TLK1: variants seen among roughly 807,000 people sequenced by gnomAD.
The protein encoded by TLK1 is tousled like kinase 1.
TLK1 carries 24 observed loss-of-function variants against 105.3 expected under a neutral mutation model. That is an observed-to-expected ratio of 0.23 (90% CI 0.17 to 0.32). The LOEUF (loss-of-function observed/expected upper bound fraction) is 0.32. Ranked by LOEUF, TLK1 falls within the 10% of genes least tolerant of loss-of-function variation. The pLI is 1.00. For synonymous variants in TLK1, 321 were observed against 310.4 expected (o/e 1.03, Z -0.36); for missense variants, 558 against 910.5 (o/e 0.61, Z 4.98).
intron 12 of TLK1, among the ~76,000 whole-genome samples, chr2:171,023,945 A>T (rs958344863): frequency 2.0e-5 from 3 of 152,202 alleles, no homozygotes; most frequent in Non-Finnish European, 4.4e-5. Flanking sequence ...CTGATCAACT[A>T]TAAGAGCAAA....
chr2:171,149,758 C>A (rs1691955163), intron 1 of TLK1, among the ~76,000 whole-genome samples: 2 of 151,894 alleles, frequency 1.3e-5, no homozygotes, highest in Admixed American at 1.3e-4. Context: ...GTTAAAAAAT[C>A]AGCAGGATAT....
chr2:171,023,256 G>A (rs1685611370), intron 12 of TLK1: 2 of 459,716 alleles, frequency 4.4e-6, no homozygotes, highest in African/African-American at 2.0e-5. Flanking sequence ...TGAGATGACT[G>A]TAAATTGTTT....
intron 1 of TLK1, among the ~76,000 whole-genome samples, chr2:171,227,836 T>A (rs1693930565): frequency 6.6e-6 from 1 of 152,102 alleles, no homozygotes; most frequent in Admixed American, 6.6e-5. Context: ...TGGAGTATAT[T>A]AGACACCTTG....
At position 170,991,947 on chromosome 2, in the gene TLK1, A is replaced by C. The variant is rs1355739286; in HGVS notation, c.*1833T>G. On this transcript the variant is annotated 3_prime_UTR_variant, in exon 21 of 21. Coordinates refer to ENST00000431350, the MANE Select transcript of TLK1 (RefSeq NM_012290.5). ...CTGTGCTCTACAGAGGAATGGGTAT[A>C]GCCAGCCCCTTAAACCACTCTTGAT... is the stretch of plus-strand genomic sequence containing the variant. 6.6e-6 allele frequency: 1 copy of C among 152,140 alleles called. No homozygotes were observed. The highest frequency in any genetic ancestry group is 1.5e-5 in the Non-Finnish European group (1 of 67,996). 9.4% of individuals were successfully genotyped at this position (152,140 alleles called of 1,614,324 possible).
intron 1 of TLK1, among the ~76,000 whole-genome samples, chr2:171,185,046 A>G (rs920899897): frequency 1.1e-4 from 17 of 152,112 alleles, no homozygotes; most frequent in South Asian, 2.1e-4. Context: ...TCACCATGTT[A>G]GCCAGGATGG....
At chr2:171,113,410 A>G (rs1690268039) in intron 2 of TLK1, among the ~76,000 whole-genome samples, 1 of 151,954 alleles carries the variant, frequency 6.6e-6, no homozygotes, top group African/African-American at 2.4e-5. Flanking sequence ...AGCTGGGATT[A>G]CAGGCACCCG....
chr2:171,030,856 A>G (rs900009334), intron 11 of TLK1, among the ~76,000 whole-genome samples: 7 of 152,096 alleles, frequency 4.6e-5, no homozygotes, highest in African/African-American at 1.7e-4. Flanking sequence ...GTTACTTGAA[A>G]TTTTTGTCCT....
chr2:171,015,950 T>C (rs1007875422), intron 12 of TLK1, among the ~76,000 whole-genome samples: 73 of 149,582 alleles, frequency 4.9e-4, no homozygotes, highest in African/African-American at 1.7e-3. Context: ...TGGTGGCGCA[T>C]GCCTGTAATC....
At chr2:171,092,497 T>C (rs1443582306) in intron 2 of TLK1, among the ~76,000 whole-genome samples, 4 of 152,236 alleles carry the variant, frequency 2.6e-5, no homozygotes, top group Admixed American at 2.0e-4. Flanking sequence ...TTTTAGCTTG[T>C]AGCTGCCATC....
chr2:171,191,143 C>G (rs1693139173), intron 1 of TLK1, among the ~76,000 whole-genome samples: 1 of 150,648 alleles, frequency 6.6e-6, no homozygotes, highest in Non-Finnish European at 1.5e-5. Context: ...CTGGGTGACA[C>G]ACTGAGACTC....
intron 11 of TLK1, among the ~76,000 whole-genome samples, chr2:171,033,976 T>C (rs1415023392): frequency 6.7e-6 from 1 of 150,044 alleles, no homozygotes; most frequent in African/African-American, 2.4e-5. Flanking sequence ...TAGACATTTC[T>C]CCAAACAAGA....
At chr2:171,059,955 C>T (rs1482385150) in intron 4 of TLK1, 11 of 1,600,822 alleles carry the variant, frequency 6.9e-6, no homozygotes, top group Non-Finnish European at 9.4e-6. Flanking sequence ...CCCAATAGGC[C>T]AAGGACTGGA....
intron 18 of TLK1, among the ~76,000 whole-genome samples, chr2:171,004,076 TC>T (rs764719346): frequency 9.2e-5 from 14 of 152,134 alleles, no homozygotes; most frequent in Non-Finnish European, 1.9e-4. Flanking sequence ...TGCCTCAGCC[TC>T]CCAAGTAGCT....
At position 171,160,731 on chromosome 2, in the gene TLK1, G is replaced by A. The variant is rs370760456; in HGVS notation, c.-303C>T. 1.3e-5 allele frequency: 6 copies of A among 452,822 alleles called. No individual in the cohort carries two copies. The highest frequency in any genetic ancestry group is 5.8e-5 in the South Asian group (1 of 17,258). 28.1% of individuals were successfully genotyped at this position (452,822 alleles called of 1,614,324 possible). On this transcript the variant is annotated 5_prime_UTR_variant, in exon 1 of 21. Coordinates refer to ENST00000431350, the MANE Select transcript of TLK1 (RefSeq NM_012290.5). The surrounding 1 kb of genome is among the most constrained non-coding windows in gnomAD (Gnocchi z 4.4). Reference sequence around the variant, plus strand: ...CGGAGGCGTCGAGGGGGTGCCAGCCGGGCCGGGGTCGGAGCGCGGGCGGAG... The same window carrying A: ...CGGAGGCGTCGAGGGGGTGCCAGCCAGGCCGGGGTCGGAGCGCGGGCGGAG...
chr2:171,102,664 T>C (rs1303051470), intron 2 of TLK1, among the ~76,000 whole-genome samples: 1 of 152,224 alleles, frequency 6.6e-6, no homozygotes, highest in Non-Finnish European at 1.5e-5. Context: ...ATAAAAATTT[T>C]AACTGCCTTA....
At chr2:171,087,662 C>T (rs1689043415) in intron 2 of TLK1, among the ~76,000 whole-genome samples, 1 of 152,130 alleles carries the variant, frequency 6.6e-6, no homozygotes, top group Non-Finnish European at 1.5e-5. Flanking sequence ...CACACCTACG[C>T]ACATCATAGT....
intron 3 of TLK1, among the ~76,000 whole-genome samples, chr2:171,076,670 C>T (rs1356046043): frequency 6.7e-6 from 1 of 149,054 alleles, no homozygotes; most frequent in East Asian, 2.0e-4. Flanking sequence ...GAGGCCGAGG[C>T]GGGCGGATCA....
chr2:171,221,923 G>A (rs1303790611), intron 1 of TLK1, among the ~76,000 whole-genome samples: 6 of 152,194 alleles, frequency 3.9e-5, no homozygotes, highest in African/African-American at 7.2e-5. Context: ...CACATGGGGG[G>A]TTAGGGCGTC....
At chr2:171,130,258 T>C (rs1691046340) in intron 1 of TLK1, among the ~76,000 whole-genome samples, 1 of 152,130 alleles carries the variant, frequency 6.6e-6, no homozygotes, top group Non-Finnish European at 1.5e-5. Flanking sequence ...AAAAATTAGC[T>C]GGGCGTGGTG....
Sources: gnomAD v4.1 joint callset for allele counts (sites outside exome capture counted in the v4.1 genomes callset) on GRCh38, gnomAD v4.1.1 for gene constraint, Gnocchi (gnomAD v3.1) non-coding constraint, MANE v1.5 for transcripts, NCBI Gene and HGNC (gene_info 2026-07-23, HGNC 2026-07-21) for gene names.